The following TMEM132D variants were observed in gnomAD, a reference collection of about 807,000 sequenced individuals.
TMEM132D encodes transmembrane protein 132D, also known as mature OL transmembrane protein.
TMEM132D carries 21 observed loss-of-function variants against 62.3 expected under a neutral mutation model. The ratio of observed to expected loss-of-function variants is 0.34; its 90% CI spans 0.24 to 0.49. The LOEUF (loss-of-function observed/expected upper bound fraction) is 0.49, where lower values mean the gene tolerates loss of function less well. Among genes scored for constraint, TMEM132D ranks in the 20% least tolerant of loss-of-function variants. TMEM132D has a pLI of 0.99. For synonymous variants in TMEM132D, 621 were observed against 575.6 expected (o/e 1.08, Z -1.13); for missense variants, 1,346 against 1,402.8 (o/e 0.96, Z 0.65).
At chr12:129,674,783 C>T (rs1367406411) in intron 2 of TMEM132D, among the ~76,000 whole-genome samples, 1 of 152,148 alleles carries the variant, frequency 6.6e-6, no homozygotes, top group East Asian at 1.9e-4. Context: ...TCATGATCCA[C>T]CCACCTTGGC....
intron 3 of TMEM132D, among the ~76,000 whole-genome samples, chr12:129,446,430 T>G (rs1350700287): frequency 6.6e-6 from 1 of 152,192 alleles, no homozygotes; most frequent in African/African-American, 2.4e-5. Flanking sequence ...TTCAAAGATA[T>G]TTATGGAGAA....
chr12:129,564,521 T>A (rs1033659319), intron 2 of TMEM132D, among the ~76,000 whole-genome samples: 3 of 152,194 alleles, frequency 2.0e-5, no homozygotes, highest in Non-Finnish European at 4.4e-5. Flanking sequence ...CTGCTATTTT[T>A]GCCACTCAAC....
At chr12:129,504,058 G>T (rs1392762518) in intron 3 of TMEM132D, among the ~76,000 whole-genome samples, 2 of 145,960 alleles carry the variant, frequency 1.4e-5, no homozygotes, top group East Asian at 3.9e-4. Context: ...CATCATCATT[G>T]TCATCATCAC....
In TMEM132D at chr12:129,827,742, C is replaced by T. The variant is rs898646729; in HGVS notation, c.79+75519G>A. On this transcript the variant is annotated intron_variant, in intron 1 of 8. Coordinates refer to ENST00000422113, the MANE Select transcript of TMEM132D (RefSeq NM_133448.3). The surrounding 1 kb of genome is among the most constrained non-coding windows in gnomAD (Gnocchi z 9.7). ...TTGTCACTGGAAGTTAATCTTTAGC[C>T]CCCTCACCTCAGTTAAGTGCATTCC... Among the ~76,000 whole-genome samples, 1 of 152,064 alleles carries T rather than the reference C, an allele frequency of 6.6e-6. No homozygotes were observed. Among genetic ancestry groups the T allele is most frequent in the Non-Finnish European group, 1.5e-5 (1 of 68,024 alleles).
chr12:129,419,260 T>C (rs1055580004), intron 3 of TMEM132D, among the ~76,000 whole-genome samples: 3 of 152,190 alleles, frequency 2.0e-5, no homozygotes, highest in African/African-American at 7.2e-5. Flanking sequence ...TCACCGAACC[T>C]CTGCCTGGCC....
rs564396698 is a variant in TMEM132D at position 129,651,065 on chromosome 12, G to A, written c.968+48745C>T. On this transcript the variant is annotated intron_variant, in intron 2 of 8. Transcript: ENST00000422113. ...TGTTCCTTATCTATTTATCAATCCC[G>A]GGTAATGAATGAAGCTTTGACTAGT... is the stretch of plus-strand genomic sequence containing the variant. 1.2e-4 allele frequency among the ~76,000 whole-genome samples: 18 copies of A among 152,188 alleles called. No individual in the cohort carries two copies. In the East Asian group the frequency reaches 1.7e-3, roughly 15 times the overall value.
At chr12:129,127,101 G>C (rs1593269751) in intron 5 of TMEM132D, among the ~76,000 whole-genome samples, 1 of 152,232 alleles carries the variant, frequency 6.6e-6, no homozygotes, top group East Asian at 1.9e-4. Flanking sequence ...GAGAGCGAGA[G>C]AGCGGGATTC....
chr12:129,695,058 C>G (rs995205171), intron 2 of TMEM132D, among the ~76,000 whole-genome samples: 1 of 152,040 alleles, frequency 6.6e-6, no homozygotes, highest in African/African-American at 2.4e-5. Flanking sequence ...CACGAGGCAC[C>G]CCTGCAGTCT....
rs550384747 is a variant in TMEM132D at position 129,663,854 on chromosome 12, T to C, written c.968+35956A>G. Among the ~76,000 whole-genome samples, 481 of 152,258 alleles carry C rather than the reference T, an allele frequency of 3.2e-3. 3 individuals carry two copies. The highest frequency in any genetic ancestry group is 0.017 in the Middle Eastern group (5 of 294). The stretch of plus-strand genomic sequence containing the variant: ...GAGAGATCCTTGGAGAAAAACCTTC[T>C]CCATGTAATCATGTGGCACATTTTA... On this transcript the variant is annotated intron_variant, in intron 2 of 8. Transcript: ENST00000422113.
intron 5 of TMEM132D, among the ~76,000 whole-genome samples, chr12:129,164,307 C>G (rs1381641616): frequency 6.6e-6 from 1 of 152,194 alleles, no homozygotes; most frequent in Non-Finnish European, 1.5e-5. Context: ...TGCTCTCCAT[C>G]GGCCTGGTAT....
chr12:129,251,276 T>C (rs1030412985), intron 4 of TMEM132D, among the ~76,000 whole-genome samples: 1 of 147,106 alleles, frequency 6.8e-6, no homozygotes, highest in African/African-American at 2.5e-5. Context: ...GGAGAATCAC[T>C]TGAATCCAAG....
chr12:129,213,311 A>G (rs2135569158), intron 4 of TMEM132D, among the ~76,000 whole-genome samples: 1 of 152,270 alleles, frequency 6.6e-6, no homozygotes, highest in African/African-American at 2.4e-5. Context: ...TGGGCAATAC[A>G]GTGAGACCCT....
intron 5 of TMEM132D, among the ~76,000 whole-genome samples, chr12:129,192,288 C>G (rs557725437): frequency 2.6e-5 from 4 of 151,622 alleles, no homozygotes; most frequent in Non-Finnish European, 5.9e-5. Flanking sequence ...TTGGAATCCA[C>G]CGATTGTCTT....
chr12:129,386,577 C>T (rs61599941), intron 3 of TMEM132D, among the ~76,000 whole-genome samples: 33,729 of 147,930 alleles, frequency 0.23, 3,998 homozygotes, highest in Non-Finnish European at 0.28. Flanking sequence ...CTAACACCAA[C>T]GCCAATGCCA....
intron 2 of TMEM132D, among the ~76,000 whole-genome samples, chr12:129,664,421 A>ATGTT (rs1555224387): frequency 4.4e-5 from 5 of 114,224 alleles, no homozygotes; most frequent in Non-Finnish European, 6.9e-5. Flanking sequence ...AATTACAAGA[A>ATGTT]TTTTTTTTTT....
At chr12:129,614,762 G>C (rs1003233314) in intron 2 of TMEM132D, among the ~76,000 whole-genome samples, 1 of 152,206 alleles carries the variant, frequency 6.6e-6, no homozygotes, top group African/African-American at 2.4e-5. Flanking sequence ...GTAAGTCACA[G>C]CCATGCACAC....
intron 1 of TMEM132D, among the ~76,000 whole-genome samples, chr12:129,878,609 G>A (rs970944604): frequency 2.0e-5 from 3 of 148,532 alleles, no homozygotes; most frequent in Non-Finnish European, 3.0e-5. Flanking sequence ...ACACAGTCTC[G>A]CTTTGTGCCC....
At chr12:129,774,582 G>C (rs759582177) in intron 1 of TMEM132D, among the ~76,000 whole-genome samples, 1 of 152,174 alleles carries the variant, frequency 6.6e-6, no homozygotes, top group Non-Finnish European at 1.5e-5. Flanking sequence ...AACTGTAACC[G>C]GGGTAGAGAC....
intron 2 of TMEM132D, among the ~76,000 whole-genome samples, chr12:129,680,677 CAAG>C (rs1593117653): frequency 6.6e-6 from 1 of 152,134 alleles, no homozygotes; most frequent in African/African-American, 2.4e-5. Context: ...AGATAACTGA[CAAG>C]AAGAACTTTA....
Sources: gnomAD v4.1 joint callset for allele counts (sites outside exome capture counted in the v4.1 genomes callset) on GRCh38, gnomAD v4.1.1 for gene constraint, Gnocchi (gnomAD v3.1) non-coding constraint, MANE v1.5 for transcripts, NCBI Gene and HGNC (gene_info 2026-07-23, HGNC 2026-07-21) for gene names.